ALK: variants seen among roughly 807,000 people sequenced by gnomAD.
The protein encoded by ALK is ALK receptor tyrosine kinase.
In ALK, 74 loss-of-function variants were observed where a neutral mutation model predicts 163.1. That is an observed-to-expected ratio of 0.45 (90% CI 0.38 to 0.55). The LOEUF is 0.55. Ranked by LOEUF, ALK falls within the 20% of genes least tolerant of loss-of-function variation. ALK has a pLI of 0.00. For missense variants in ALK, 2,063 were observed against 2,105.3 expected, an observed-to-expected ratio of 0.98 and a Z score of 0.39; for synonymous variants, 960 against 843.2, an observed-to-expected ratio of 1.14 and a Z score of -2.40.
intron 3 of ALK, among the ~76,000 whole-genome samples, chr2:29,588,285 G>A (rs1573479791): frequency 6.6e-6 from 1 of 152,186 alleles, no homozygotes; most frequent in African/African-American, 2.4e-5. Context: ...AGGCTGAAGT[G>A]AAGTGGCACA....
intron 1 of ALK, among the ~76,000 whole-genome samples, chr2:29,855,204 A>C (rs1413056867): frequency 6.6e-6 from 1 of 152,166 alleles, no homozygotes; most frequent in Non-Finnish European, 1.5e-5. Context: ...TTTCACATAC[A>C]TTATCTCATT....
chr2:29,439,667 G>A (rs774053097), intron 4 of ALK, among the ~76,000 whole-genome samples: 4 of 135,252 alleles, frequency 3.0e-5, no homozygotes, highest in African/African-American at 8.1e-5. Context: ...CTGATCCAAC[G>A]GGACTGGTGT....
At chr2:29,248,519 T>G (rs1344548428) in intron 12 of ALK, among the ~76,000 whole-genome samples, 2 of 152,184 alleles carry the variant, frequency 1.3e-5, no homozygotes, top group Non-Finnish European at 2.9e-5. Context: ...GTTCTTCCAT[T>G]TTGATATGGT....
intron 3 of ALK, among the ~76,000 whole-genome samples, chr2:29,685,580 C>T (rs1678212490): frequency 1.3e-5 from 2 of 152,182 alleles, no homozygotes; most frequent in Non-Finnish European, 2.9e-5. Flanking sequence ...GTCTTGAAGT[C>T]CCCATCAGTC....
chr2:29,651,715 G>T (rs1217068795), intron 3 of ALK, among the ~76,000 whole-genome samples: 1 of 152,112 alleles, frequency 6.6e-6, no homozygotes, highest in Non-Finnish European at 1.5e-5. Context: ...TCGTTCTCAG[G>T]GGTCCTGCCT....
At chr2:29,643,082 T>C (rs973758862) in intron 3 of ALK, among the ~76,000 whole-genome samples, 28 of 151,732 alleles carry the variant, frequency 1.8e-4, no homozygotes, top group African/African-American at 6.5e-4. Context: ...TAAAATGGTA[T>C]GGGGGAAAGC....
intron 3 of ALK, among the ~76,000 whole-genome samples, chr2:29,673,770 G>A (rs1438379673): frequency 6.6e-6 from 1 of 150,618 alleles, no homozygotes; most frequent in Non-Finnish European, 1.5e-5. Context: ...ACCTTGGGCA[G>A]TATGGCCATT....
At chr2:29,334,855 C>T (rs943208404) in intron 5 of ALK, among the ~76,000 whole-genome samples, 3 of 152,184 alleles carry the variant, frequency 2.0e-5, no homozygotes, top group African/African-American at 7.2e-5. Context: ...CCCAAACTAA[C>T]GAGGCACAAC....
chr2:29,201,379 C>T (rs1309656222), intron 26 of ALK, among the ~76,000 whole-genome samples: 1 of 152,202 alleles, frequency 6.6e-6, no homozygotes, highest in Admixed American at 6.5e-5. Context: ...CTCAGCAGCA[C>T]CTCTGGTTAT....
intron 26 of ALK, among the ~76,000 whole-genome samples, chr2:29,202,544 A>G (rs767364301): frequency 6.6e-6 from 1 of 152,378 alleles, no homozygotes; most frequent in African/African-American, 2.4e-5. Flanking sequence ...ACTGTATCCT[A>G]CAATTGTATG....
chr2:29,301,687 T>C (rs1031199572), intron 8 of ALK, among the ~76,000 whole-genome samples: 1 of 152,132 alleles, frequency 6.6e-6, no homozygotes, highest in Non-Finnish European at 1.5e-5. Context: ...TAAAGTAGAG[T>C]CTGCTGATGG....
intron 5 of ALK, among the ~76,000 whole-genome samples, chr2:29,379,354 G>A (rs757371398): frequency 2.0e-5 from 3 of 152,186 alleles, no homozygotes; most frequent in Non-Finnish European, 4.4e-5. Flanking sequence ...AAAAGAAGGT[G>A]CAGCATTTAT....
At chr2:29,308,203 T>C (rs966699436) in intron 8 of ALK, among the ~76,000 whole-genome samples, 5 of 152,138 alleles carry the variant, frequency 3.3e-5, no homozygotes, top group Admixed American at 2.0e-4. Flanking sequence ...GAAAATGTAA[T>C]GTTAAATAAG....
chr2:29,810,273 T>C (rs943262662), intron 1 of ALK, among the ~76,000 whole-genome samples: 6 of 151,804 alleles, frequency 4.0e-5, no homozygotes, highest in African/African-American at 1.2e-4. Flanking sequence ...AATACAAAAA[T>C]CAGCCGAGTG....
At chr2:29,747,811 T>C (rs1680244258) in intron 1 of ALK, among the ~76,000 whole-genome samples, 2 of 152,324 alleles carry the variant, frequency 1.3e-5, no homozygotes, top group South Asian at 2.1e-4. Context: ...TAAAGTTCCT[T>C]TGATGGAAGT....
intron 15 of ALK, among the ~76,000 whole-genome samples, chr2:29,231,470 T>C (rs2148182616): frequency 6.6e-6 from 1 of 152,336 alleles, no homozygotes; most frequent in South Asian, 2.1e-4. Flanking sequence ...CCTGGAAACC[T>C]GCAGGTTGTT....
At chr2:29,625,979 G>T (rs1029803080) in intron 3 of ALK, among the ~76,000 whole-genome samples, 4 of 152,290 alleles carry the variant, frequency 2.6e-5, no homozygotes, top group African/African-American at 9.6e-5. Context: ...TAAAACATAG[G>T]TTTACCAAGA....
At chr2:29,682,610 T>C (rs1488839658) in intron 3 of ALK, among the ~76,000 whole-genome samples, 1 of 152,182 alleles carries the variant, frequency 6.6e-6, no homozygotes, top group Non-Finnish European at 1.5e-5. Flanking sequence ...TTAATCTACA[T>C]AATGATACTT....
At chr2:29,463,769 CTT>C (rs1347124168) in intron 4 of ALK, among the ~76,000 whole-genome samples, 2 of 152,176 alleles carry the variant, frequency 1.3e-5, no homozygotes, top group African/African-American at 4.8e-5. Flanking sequence ...CCCCTTGAGT[CTT>C]TGGCTGAGTA....
Sources: allele counts gnomAD v4.1 joint callset (sites outside exome capture counted in the v4.1 genomes callset), GRCh38; gene constraint gnomAD v4.1.1; transcripts MANE v1.5; gene names NCBI Gene and HGNC (gene_info 2026-07-23, HGNC 2026-07-21).